The following MYH15 variants were observed in gnomAD, a reference collection of about 807,000 sequenced individuals.
The protein encoded by MYH15 is myosin heavy chain 15.
A neutral mutation model predicts 240.5 loss-of-function variants in MYH15; 227 were observed. The observed-to-expected ratio is 0.94, with a 90% CI of 0.85 to 1.05. The LOEUF is 1.05. Ranked by LOEUF, MYH15 falls within the 50% of genes least tolerant of loss-of-function variation. MYH15 has a pLI of 0.00. For synonymous variants in MYH15, 785 were observed against 796.7 expected (o/e 0.99, Z 0.25); for missense variants, 2,217 against 2,247.5 (o/e 0.99, Z 0.27).
intron 30 of MYH15, among the ~76,000 whole-genome samples, chr3:108,413,778 G>C (rs557411401): frequency 4.3e-4 from 65 of 152,044 alleles, no homozygotes; most frequent in Non-Finnish European, 8.7e-4. Context: ...TTTTTTTCCA[G>C]CTTCCCTGTC....
At chr3:108,542,877 G>T in the MYH15 span, among the ~76,000 whole-genome samples, 60 of 139,974 alleles carry the variant, frequency 4.3e-4, no homozygotes, top group African/African-American at 1.5e-3. Flanking sequence ...ACATGATCTC[G>T]TTCCTTTTTT....
intron 29 of MYH15, among the ~76,000 whole-genome samples, chr3:108,415,407 A>T (rs183339221): frequency 6.6e-6 from 1 of 152,330 alleles, no homozygotes; most frequent in Non-Finnish European, 1.5e-5. Flanking sequence ...AGTCAGATGA[A>T]CTTGGGTTCA....
chr3:108,536,858 A>G, the MYH15 span, among the ~76,000 whole-genome samples: 2 of 151,936 alleles, frequency 1.3e-5, no homozygotes, highest in Non-Finnish European at 2.9e-5. Flanking sequence ...AACTTGGGAG[A>G]CTCTCCTATC....
At chr3:108,466,039 T>C (rs964973003) in intron 14 of MYH15, among the ~76,000 whole-genome samples, 16 of 152,304 alleles carry the variant, frequency 1.1e-4, no homozygotes, top group Admixed American at 3.3e-4. Flanking sequence ...ATCCACTTAG[T>C]CATTGAAACA....
chr3:108,501,602 T>G, intron 3 of MYH15, 110 bp downstream of exon 3: 2 of 1,383,944 alleles, frequency 1.4e-6, no homozygotes. Flanking sequence ...GCTCAAGGAC[T>G]ATCCCTGTGC....
chr3:108,403,739 C>G (rs2082526135), intron 33 of MYH15, among the ~76,000 whole-genome samples: 2 of 152,116 alleles, frequency 1.3e-5, no homozygotes, highest in Admixed American at 1.3e-4. Flanking sequence ...ACCCCCCTGC[C>G]TCCAGTCCAC....
chr3:108,499,975 T>C, intron 4 of MYH15, 143 bp downstream of exon 4: 2 of 977,422 alleles, frequency 2.0e-6, no homozygotes, highest in Non-Finnish European at 2.9e-6. Context: ...ACCCACATTT[T>C]ATCCAGAAGG....
rs202066788 is a variant in MYH15, at chr3:108,414,325, C to T, written c.4052G>A (p.Arg1351Gln). Residue 1351 changes from arginine to glutamine, a missense_variant, in exon 30 of 41, where the codon CGG (arginine) becomes CAG (glutamine). Transcript: ENST00000693548. ...TTCAGCATTGACTTTGGATAAGGTC[C>T]GGTGCAGCTCAGCCTTGACCTCTTG... Reference protein sequence around the residue: ...EEQEVKAELHRTLSKVNAEMV... With the variant: ...EEQEVKAELHQTLSKVNAEMV... The T allele has an allele frequency of 9.3e-5, 150 of 1,614,002 alleles. No individual in the cohort carries two copies. Among genetic ancestry groups the T allele is most frequent in the Non-Finnish European group, 1.2e-4 (138 of 1,180,012 alleles).
intron 25 of MYH15, among the ~76,000 whole-genome samples, chr3:108,433,180 G>A (rs528101609): frequency 1.3e-4 from 20 of 152,328 alleles, no homozygotes; most frequent in Admixed American, 2.0e-4. Context: ...TGTGAGACAC[G>A]GAGATCATTT....
intron 27 of MYH15, among the ~76,000 whole-genome samples, chr3:108,422,179 C>T (rs1192067077): frequency 1.3e-5 from 2 of 151,572 alleles, no homozygotes; most frequent in Non-Finnish European, 2.9e-5. Flanking sequence ...TTTTACATAG[C>T]TGTTTTGATG....
At chr3:108,522,021 C>T (rs889394263) in intron 1 of MYH15, among the ~76,000 whole-genome samples, 4 of 152,134 alleles carry the variant, frequency 2.6e-5, no homozygotes, top group African/African-American at 9.7e-5. Flanking sequence ...GTGGAAGAAA[C>T]TAACAAGACC....
chr3:108,447,654 A>G (rs376509374), intron 21 of MYH15, among the ~76,000 whole-genome samples: 104 of 152,258 alleles, frequency 6.8e-4, no homozygotes, highest in African/African-American at 2.4e-3. Context: ...ATGGAGAGAT[A>G]ACAGACTGCC....
In MYH15 at chr3:108,500,233, T is replaced by C. The variant is rs1372284774; in HGVS notation, c.381A>G (p.Lys127=). 2 of 1,613,858 alleles carry C rather than the reference T, an allele frequency of 1.2e-6. No homozygotes were observed. Among genetic ancestry groups the C allele is most frequent in the African/African-American group, 1.3e-5 (1 of 74,898 alleles). ...GLFCVTINPY[K]WLPVYQKEVM... ...CTTCTTTCTGATACACGGGAAGCCA[T>C]TTGTAAGGGTTTATGGTCACACAGA... Residue 127 remains lysine (K), a synonymous_variant, in exon 4 of 41, where the codon AAA becomes AAG. Coordinates refer to ENST00000693548, the MANE Select transcript of MYH15 (RefSeq NM_014981.3).
chr3:108,534,068 T>A (rs1393644724), upstream of MYH15, among the ~76,000 whole-genome samples: 4 of 152,194 alleles, frequency 2.6e-5, no homozygotes, highest in Non-Finnish European at 5.9e-5. Flanking sequence ...TTTCCATTCA[T>A]GGGTCACTAC....
intron 5 of MYH15, among the ~76,000 whole-genome samples, chr3:108,498,688 A>G (rs2083413344): frequency 6.6e-6 from 1 of 152,214 alleles, no homozygotes; most frequent in Non-Finnish European, 1.5e-5. Context: ...GCCTTTATCT[A>G]TACAAAACTC....
intron 32 of MYH15, among the ~76,000 whole-genome samples, chr3:108,405,973 C>T (rs1378476920): frequency 6.6e-6 from 1 of 152,092 alleles, no homozygotes; most frequent in African/African-American, 2.4e-5. Context: ...TTACAATGTA[C>T]CTGACATGTA....
chr3:108,491,951 AC>A (rs2083351473), intron 9 of MYH15, among the ~76,000 whole-genome samples: 1 of 151,128 alleles, frequency 6.6e-6, no homozygotes, highest in Non-Finnish European at 1.5e-5. Flanking sequence ...TCTTTATAAA[AC>A]TCCCTGAGCC....
At chr3:108,495,947 C>G in intron 6 of MYH15, 75 bp from the exon 7 acceptor site, 1 of 1,075,944 alleles carries the variant, frequency 9.3e-7, no homozygotes, top group South Asian at 1.6e-5. Flanking sequence ...CCCTCCATCT[C>G]CAGGTCAAAC....
intron 14 of MYH15, among the ~76,000 whole-genome samples, chr3:108,467,783 G>A (rs1485984409): frequency 6.6e-6 from 1 of 152,004 alleles, no homozygotes; most frequent in Non-Finnish European, 1.5e-5. Flanking sequence ...ACTTTAATAT[G>A]TAAATTATTG....
Sources: allele counts gnomAD v4.1 joint callset (sites outside exome capture counted in the v4.1 genomes callset), GRCh38; gene constraint gnomAD v4.1.1; transcripts MANE v1.5; gene names NCBI Gene and HGNC (gene_info 2026-07-23, HGNC 2026-07-21).